Variants in KDM4A observed in about 807,000 individuals in gnomAD.
The protein encoded by KDM4A is lysine demethylase 4A, also known as lysine-specific demethylase 4A.
Under a neutral mutation model 127.1 loss-of-function variants are expected in KDM4A, and 23 were observed. The observed-to-expected ratio is 0.18, with a 90% CI of 0.13 to 0.26. The LOEUF is 0.26. Ranked by LOEUF, KDM4A falls within the 10% of genes least tolerant of loss-of-function variation. The pLI is 1.00. For missense variants in KDM4A, 890 were observed against 1,329.1 expected, an observed-to-expected ratio of 0.67 and a Z score of 5.14; for synonymous variants, 443 against 466.5, an observed-to-expected ratio of 0.95 and a Z score of 0.65.
intron 10 of KDM4A, 29 bp downstream of exon 10, chr1:43,669,328 A>G: frequency 1.2e-6 from 2 of 1,602,860 alleles, no homozygotes; most frequent in Non-Finnish European, 1.7e-6. Context: ...ATTTTCCACA[A>G]CCCTAACTCA....
intron 5 of KDM4A, among the ~76,000 whole-genome samples, chr1:43,665,033 G>C (rs1339874780): frequency 6.6e-6 from 1 of 152,184 alleles, no homozygotes; most frequent in Non-Finnish European, 1.5e-5. Flanking sequence ...GTTACTGTGA[G>C]TTTCAGAATA....
At chr1:43,667,155 G>A (rs1570829215) in intron 8 of KDM4A, 64 bp downstream of exon 8, 7 of 1,572,954 alleles carry the variant, frequency 4.5e-6, no homozygotes, top group African/African-American at 1.4e-5. Flanking sequence ...GGTTAGATAC[G>A]TTGGCTGGTG....
chr1:43,671,898 T>C (rs1660627807), intron 11 of KDM4A, 23 bp downstream of exon 11: 1 of 1,524,444 alleles, frequency 6.6e-7, no homozygotes, highest in Admixed American at 2.1e-5. Flanking sequence ...GGCAGTGGTG[T>C]GGGGTGGGGA....
At position 43,688,935 on chromosome 1, in the gene KDM4A, C is replaced by T; in HGVS notation, c.1877C>T (p.Pro626Leu). The part of the protein sequence containing the change: ...SDDETSEQLT[P>L]EEEAEETEAW... ...CTAGAGACATCTGAACAGCTGACCCCTGAGGAAGAGGCTGAGGAGACAGAG... is the reference window on the plus strand; with the variant it reads ...CTAGAGACATCTGAACAGCTGACCCTTGAGGAAGAGGCTGAGGAGACAGAG... Residue 626 changes from proline to leucine, a missense_variant, in exon 13 of 22, where the codon CCT (proline) becomes CTT (leucine). This residue lies in a region of KDM4A where 389 missense variants were observed against 485.9 expected (regional missense o/e 0.80). Transcript: ENST00000372396. This position sits in a 1 kb window ranked among gnomAD's most constrained non-coding sequence, Gnocchi z 4.4. 3 of 1,614,154 alleles carry T rather than the reference C, an allele frequency of 1.9e-6. No individual in the cohort carries two copies. Among genetic ancestry groups the T allele is most frequent in the Non-Finnish European group, 2.5e-6 (3 of 1,180,018 alleles).
intron 18 of KDM4A, among the ~76,000 whole-genome samples, chr1:43,695,350 C>A (rs940701957): frequency 6.6e-6 from 1 of 152,160 alleles, no homozygotes; most frequent in Non-Finnish European, 1.5e-5. Flanking sequence ...GTAATGTTAG[C>A]TAGAGGAGCT....
Position 43,689,000 on chromosome 1 carries a change from C to T in KDM4A, c.1942C>T (p.Pro648Ser), listed in dbSNP as rs1473280806. 1.9e-6 allele frequency: 3 copies of T among 1,614,088 alleles called. No individual in the cohort carries two copies. The highest frequency in any genetic ancestry group is 1.3e-5 in the African/African-American group (1 of 74,924). ...TCTGAGCCAACTGTGGCAGAACCGACCTCCAAACTTTGAGGCTGAGAAGGA... is the reference window on the plus strand; with the variant it reads ...TCTGAGCCAACTGTGGCAGAACCGATCTCCAAACTTTGAGGCTGAGAAGGA... ...KPLSQLWQNR[P>S]PNFEAEKEFN... The change falls in exon 13 of 22, where the codon CCT (proline) becomes TCT (serine). Residue 648 changes from proline (P) to serine (S), a missense_variant. Pro to Ser is a moderately conservative substitution (Grantham distance 74). This residue lies in a region of KDM4A where 389 missense variants were observed against 485.9 expected (regional missense o/e 0.80). Transcript: ENST00000372396. The surrounding 1 kb of genome is among the most constrained non-coding windows in gnomAD (Gnocchi z 4.4).
At chr1:43,692,096 AC>A (rs1465264705) in intron 15 of KDM4A, among the ~76,000 whole-genome samples, 159 bp from the exon 16 acceptor site, 1 of 152,232 alleles carries the variant, frequency 6.6e-6, no homozygotes, top group Admixed American at 6.5e-5. Context: ...TCTCCTTCTG[AC>A]AGGGCGTCCT....
chr1:43,677,668 GT>G (rs1402742080), intron 11 of KDM4A, among the ~76,000 whole-genome samples: 1 of 152,164 alleles, frequency 6.6e-6, no homozygotes, highest in African/African-American at 2.4e-5. Context: ...CTGCACTGAT[GT>G]TTTGGAAGAT....
chr1:43,685,971 T>C (rs770661387), intron 12 of KDM4A, among the ~76,000 whole-genome samples: 1 of 152,084 alleles, frequency 6.6e-6, no homozygotes, highest in Non-Finnish European at 1.5e-5. Flanking sequence ...TTCAGGAAAC[T>C]GGAAAAGTTA....
chr1:43,690,760 GC>G (rs1376284140), intron 13 of KDM4A, 84 bp from the exon 14 acceptor site: 15 of 1,278,262 alleles, frequency 1.2e-5, no homozygotes, highest in Non-Finnish European at 1.7e-5. Flanking sequence ...CGGTAAGAGA[GC>G]CAGCTTTCTG....
chr1:43,655,154 G>A (rs1382032188), intron 2 of KDM4A, among the ~76,000 whole-genome samples: 1 of 152,130 alleles, frequency 6.6e-6, no homozygotes, highest in Non-Finnish European at 1.5e-5. Context: ...CCGGCCTCAA[G>A]ATTAGATTTT....
chr1:43,656,828 C>G (rs1202437235), intron 3 of KDM4A, among the ~76,000 whole-genome samples: 1 of 151,520 alleles, frequency 6.6e-6, no homozygotes, highest in Non-Finnish European at 1.5e-5. Context: ...CGGGTTCAAG[C>G]AATTCTCCTG....
intron 4 of KDM4A, 59 bp downstream of exon 4, chr1:43,660,471 T>C (rs1466977755): frequency 2.6e-6 from 4 of 1,539,784 alleles, no homozygotes; most frequent in South Asian, 1.2e-5. Flanking sequence ...TACCTTTTTT[T>C]CGGCCCGGCA....
intron 12 of KDM4A, among the ~76,000 whole-genome samples, chr1:43,685,894 G>A (rs1236777176): frequency 6.6e-6 from 1 of 152,144 alleles, no homozygotes; most frequent in Non-Finnish European, 1.5e-5. Context: ...TTCCAGCTCA[G>A]ACAGGAGCTT....
chr1:43,651,642 G>C (rs991159292), intron 1 of KDM4A, among the ~76,000 whole-genome samples: 9 of 152,142 alleles, frequency 5.9e-5, no homozygotes, highest in African/African-American at 2.2e-4. Context: ...CCCCAGATAG[G>C]GGGTACGGAA....
At chr1:43,667,233 A>G (rs922053337) in intron 8 of KDM4A, 142 bp downstream of exon 8, 59 of 914,730 alleles carry the variant, frequency 6.4e-5, no homozygotes, top group Admixed American at 2.7e-5. Context: ...GAGTACTAAC[A>G]TTTTGTGTTC....
At position 43,666,967 on chromosome 1, in the gene KDM4A, C is replaced by A; in HGVS notation, c.791C>A (p.Ala264Asp). ...GIPFDKVTQE[A>D]GEFMITFPYG... is the part of the protein sequence containing the mutation. ...GCTCTTGTTCAGGTGACTCAAGAGG[C>A]TGGAGAGTTTATGATCACTTTCCCT... Residue 264 changes from alanine to aspartate, a missense_variant, in exon 8 of 22, where the codon GCT becomes GAT. By Grantham distance (126) the Ala-to-Asp change is moderately radical (BLOSUM62 -2). Around this residue, in one of 7 missense-constraint regions of KDM4A, gnomAD observed 141 missense variants for 273.5 expected, o/e 0.52. Coordinates refer to ENST00000372396, the MANE Select transcript of KDM4A (RefSeq NM_014663.3). The A allele has an allele frequency of 6.2e-7, 1 of 1,614,008 alleles. No individual in the cohort carries two copies. Among genetic ancestry groups the A allele is most frequent in the Non-Finnish European group, 8.5e-7 (1 of 1,179,922 alleles).
Position 43,662,901 on chromosome 1 carries a change from A to G in KDM4A, c.437A>G (p.Asp146Gly). The change falls in exon 5 of 22, where the codon GAT (aspartate) becomes GGT (glycine). Residue 146 changes from aspartate to glycine, a missense_variant. Physicochemically the swap from Asp to Gly is moderately conservative, Grantham distance 94. Transcript: ENST00000372396. ...CTGTCATTGCCTTTGCAGCATGTTG[A>G]TGAGTGGAATATTGGCCGGCTGAGA... is the stretch of plus-strand genomic sequence containing the variant. The part of the protein sequence containing the change: ...VNGTLYEKHV[D>G]EWNIGRLRTI... 1 of 1,611,306 alleles carries G rather than the reference A, an allele frequency of 6.2e-7. No homozygotes were observed. The highest frequency in any genetic ancestry group is 8.5e-7 in the Non-Finnish European group (1 of 1,178,360).
chr1:43,688,015 C>T lies in KDM4A; in HGVS notation c.1856-899C>T, dbSNP rs988465854. Among the ~76,000 whole-genome samples the T allele has an allele frequency of 1.1e-4, 17 of 151,618 alleles. No homozygotes were observed. The highest frequency in any genetic ancestry group is 2.7e-4 in the African/African-American group (11 of 41,242). ...AGTCTTCATTGGTCTCTGTGGTTGT[C>T]ACTGTTTTTTTTTTTTAAGCCCCAA... On this transcript the variant is annotated intron_variant, in intron 12 of 21. Transcript: ENST00000372396. The surrounding 1 kb of genome is among the most constrained non-coding windows in gnomAD (Gnocchi z 4.4).
Sources: gnomAD v4.1 joint callset for allele counts (sites outside exome capture counted in the v4.1 genomes callset) on GRCh38, gnomAD v4.1.1 for gene constraint, gnomAD v4.1.1 regional missense constraint, Gnocchi (gnomAD v3.1) non-coding constraint, MANE v1.5 for transcripts, NCBI Gene and HGNC (gene_info 2026-07-23, HGNC 2026-07-21) for gene names.